The following RASGEF1A variants were observed in gnomAD, a reference collection of about 807,000 sequenced individuals.
RASGEF1A encodes ras-GEF domain-containing family member 1A.
RASGEF1A carries 18 observed loss-of-function variants against 56.4 expected under a neutral mutation model. The observed-to-expected ratio is 0.32, with a 90% CI of 0.22 to 0.47. The LOEUF (loss-of-function observed/expected upper bound fraction) is 0.47, where lower values mean the gene tolerates loss of function less well. Among genes scored for constraint, RASGEF1A ranks in the 20% least tolerant of loss-of-function variants. The pLI is 1.00. For missense variants in RASGEF1A, 422 were observed against 627.1 expected, an observed-to-expected ratio of 0.67 and a Z score of 3.49; for synonymous variants, 245 against 242.6, an observed-to-expected ratio of 1.01 and a Z score of -0.09.
intron 1 of RASGEF1A, among the ~76,000 whole-genome samples, chr10:43,254,550 T>C (rs1438384229): frequency 1.5e-4 from 23 of 152,182 alleles, no homozygotes. Flanking sequence ...GGTCTACTGT[T>C]GCAGGGCCCG....
chr10:43,236,445 T>C (rs560020836), intron 1 of RASGEF1A, among the ~76,000 whole-genome samples: 1 of 152,372 alleles, frequency 6.6e-6, no homozygotes, highest in South Asian at 2.1e-4. Context: ...GTTGCATGCA[T>C]GCATTACGAG....
intron 1 of RASGEF1A, among the ~76,000 whole-genome samples, chr10:43,216,506 G>A (rs1029598598): frequency 6.6e-6 from 1 of 152,214 alleles, no homozygotes; most frequent in Non-Finnish European, 1.5e-5. Context: ...CAGGCACCAT[G>A]ATTACAAGAT....
At chr10:43,227,392 A>AC (rs59141258) in intron 1 of RASGEF1A, among the ~76,000 whole-genome samples, 25,247 of 151,818 alleles carry the variant, frequency 0.17, 2,694 homozygotes, top group East Asian at 0.51. Context: ...CCAGGCCTGG[A>AC]CCCCCAATGC....
chr10:43,215,482 T>G (rs1210921598), intron 1 of RASGEF1A, among the ~76,000 whole-genome samples: 1 of 152,218 alleles, frequency 6.6e-6, no homozygotes, highest in Non-Finnish European at 1.5e-5. Context: ...GCCATGATCC[T>G]GGTGGGCCTC....
At chr10:43,233,049 G>T (rs1189300916) in intron 1 of RASGEF1A, among the ~76,000 whole-genome samples, 1 of 152,006 alleles carries the variant, frequency 6.6e-6, no homozygotes, top group Admixed American at 6.6e-5. Flanking sequence ...AGTGTCTGTG[G>T]CCCCCCACCC....
At chr10:43,198,522 C>T (rs1049749285) in intron 9 of RASGEF1A, among the ~76,000 whole-genome samples, 2 of 152,236 alleles carry the variant, frequency 1.3e-5, no homozygotes, top group African/African-American at 4.8e-5. Flanking sequence ...ACCAGCTCCA[C>T]AAGACACATG....
At chr10:43,236,681 C>T (rs1915144) in intron 1 of RASGEF1A, among the ~76,000 whole-genome samples, 104,894 of 152,220 alleles carry the variant, frequency 0.69, 36,343 homozygotes, top group East Asian at 0.86. Flanking sequence ...TAACACAGTA[C>T]GTGCTCATCT....
At chr10:43,232,137 C>T (rs1243312425) in intron 1 of RASGEF1A, among the ~76,000 whole-genome samples, 1 of 152,176 alleles carries the variant, frequency 6.6e-6, no homozygotes, top group East Asian at 1.9e-4. Flanking sequence ...GGTTTGTGTC[C>T]CCACCCAAAT....
intron 1 of RASGEF1A, chr10:43,229,852 G>A: frequency 2.8e-6 from 2 of 716,158 alleles, no homozygotes; most frequent in South Asian, 9.4e-5. Flanking sequence ...GGGCAGAGGG[G>A]CCGCGAGGCC....
chr10:43,210,315 C>CA (rs11340867), intron 1 of RASGEF1A, among the ~76,000 whole-genome samples: 4 of 151,598 alleles, frequency 2.6e-5, no homozygotes, highest in South Asian at 2.1e-4. Flanking sequence ...TACTAACATT[C>CA]AAAAAAAAAT....
rs114021456 is a variant in RASGEF1A, at chr10:43,236,286, C to T, written c.-6-30164G>A. On this transcript the variant is annotated intron_variant, in intron 1 of 12. Coordinates refer to ENST00000395810, the MANE Select transcript of RASGEF1A (RefSeq NM_145313.4). ...GGAGCAAAGACATGGCAGCAGGCAT[C>T]GTCTAGGGCACCGCGCATCCATGTG... Among the ~76,000 whole-genome samples, 400 of 152,338 alleles carry T rather than the reference C, an allele frequency of 2.6e-3. 4 individuals carry two copies. Among genetic ancestry groups the T allele is most frequent in the African/African-American group, 8.4e-3 (349 of 41,566 alleles).
At chr10:43,204,354 CT>C (rs574219808) in intron 2 of RASGEF1A, among the ~76,000 whole-genome samples, 101 of 152,248 alleles carry the variant, frequency 6.6e-4, no homozygotes, top group African/African-American at 2.2e-3. Context: ...ACTCAGGGGC[CT>C]GGGCTGACAC....
chr10:43,258,704 A>G (rs1277093813), intron 1 of RASGEF1A, among the ~76,000 whole-genome samples: 1 of 152,198 alleles, frequency 6.6e-6, no homozygotes, highest in East Asian at 1.9e-4. Flanking sequence ...TAGGAGCAGG[A>G]CTGCCTCTGT....
chr10:43,226,735 G>A (rs527441053), intron 1 of RASGEF1A, among the ~76,000 whole-genome samples: 1 of 152,312 alleles, frequency 6.6e-6, no homozygotes, highest in East Asian at 1.9e-4. Flanking sequence ...AATTTCCCCA[G>A]ATGTAAAACA....
intron 1 of RASGEF1A, among the ~76,000 whole-genome samples, chr10:43,230,590 C>T (rs943881599): frequency 1.3e-5 from 2 of 152,074 alleles, no homozygotes; most frequent in African/African-American, 2.4e-5. Flanking sequence ...CCGAGTTGGC[C>T]GGCGGGGCGG....
chr10:43,210,225 A>G (rs1197955353), intron 1 of RASGEF1A, among the ~76,000 whole-genome samples: 2 of 152,138 alleles, frequency 1.3e-5, no homozygotes, highest in African/African-American at 4.8e-5. Context: ...TAATCCCAGC[A>G]CTTTGAGAGG....
intron 6 of RASGEF1A, 140 bp downstream of exon 6, chr10:43,200,042 G>T: frequency 1.4e-6 from 1 of 705,336 alleles, no homozygotes; most frequent in Non-Finnish European, 2.4e-6. Context: ...GAGGTCCAGT[G>T]CCACATCCAT....
At chr10:43,228,630 T>C (rs1840314656) in intron 1 of RASGEF1A, among the ~76,000 whole-genome samples, 1 of 152,178 alleles carries the variant, frequency 6.6e-6, no homozygotes, top group South Asian at 2.1e-4. Context: ...GGCTGCTCTA[T>C]CGCTGCAGAA....
At chr10:43,258,353 G>T (rs1265936356) in intron 1 of RASGEF1A, among the ~76,000 whole-genome samples, 1 of 152,196 alleles carries the variant, frequency 6.6e-6, no homozygotes, top group Non-Finnish European at 1.5e-5. Context: ...GCTGTGGAAG[G>T]TGAAGTCGCC....
Sources: allele counts gnomAD v4.1 joint callset (sites outside exome capture counted in the v4.1 genomes callset), GRCh38; gene constraint gnomAD v4.1.1; transcripts MANE v1.5; gene names NCBI Gene and HGNC (gene_info 2026-07-23, HGNC 2026-07-21).